Variants in DCAF8L2 observed in about 807,000 individuals in gnomAD.
DCAF8L2 encodes the protein DDB1- and CUL4-associated factor 8-like protein 2.
For missense variants in DCAF8L2, 430 were observed against 490.7 expected, an observed-to-expected ratio of 0.88 and a Z score of 1.17; for synonymous variants, 200 against 190.9, an observed-to-expected ratio of 1.05 and a Z score of -0.39.
chrX:27,628,605 CTTT>C (rs35579870), intron 1 of DCAF8L2, among the ~76,000 whole-genome samples: 4 of 90,620 alleles, frequency 4.4e-5, no homozygotes, highest in Admixed American at 1.2e-4. Context: ...TGGCTCTTGT[CTTT>C]TTTTTTTTTT....
chrX:27,621,212 T>C (rs1927740677), intron 1 of DCAF8L2, among the ~76,000 whole-genome samples: 2 of 111,487 alleles, frequency 1.8e-5, no homozygotes, highest in Non-Finnish European at 3.8e-5. Context: ...AGTAGAATGC[T>C]ATAGAGTTTC....
At chrX:27,517,402 A>G in the DCAF8L2 span, among the ~76,000 whole-genome samples, 54 of 110,549 alleles carry the variant, frequency 4.9e-4, no homozygotes, top group African/African-American at 1.8e-3. Flanking sequence ...AGGGAAATCC[A>G]TTAAAATGTT....
At chrX:27,505,198 C>T in the DCAF8L2 span, among the ~76,000 whole-genome samples, 36 of 111,035 alleles carry the variant, frequency 3.2e-4, no homozygotes, top group African/African-American at 1.1e-3. Flanking sequence ...GAATTAGGAC[C>T]CTCACTTTAC....
chrX:27,697,478 C>T (rs1022869771), intron 3 of DCAF8L2, among the ~76,000 whole-genome samples: 4 of 110,715 alleles, frequency 3.6e-5, no homozygotes, highest in Admixed American at 1.9e-4. Context: ...CTTTGTGTTC[C>T]GTTAAATTTA....
At chrX:27,572,496 G>A in the DCAF8L2 span, among the ~76,000 whole-genome samples, 1 of 112,030 alleles carries the variant, frequency 8.9e-6, no homozygotes, top group African/African-American at 3.2e-5. Flanking sequence ...CATCATCATA[G>A]GATAAATAAG....
At chrX:27,538,832 T>C in the DCAF8L2 span, among the ~76,000 whole-genome samples, 3 of 112,174 alleles carry the variant, frequency 2.7e-5, no homozygotes, top group African/African-American at 9.7e-5. Flanking sequence ...GAAGAGACTT[T>C]TGAAAATCAC....
At chrX:27,664,375 A>G (rs1044932521) in intron 2 of DCAF8L2, among the ~76,000 whole-genome samples, 7 of 111,998 alleles carry the variant, frequency 6.3e-5, no homozygotes, top group African/African-American at 2.3e-4. Flanking sequence ...ACGCTCTTCA[A>G]TTCTGTGAAG....
intron 1 of DCAF8L2, among the ~76,000 whole-genome samples, chrX:27,618,334 G>C (rs1271312834): frequency 9.0e-6 from 1 of 110,895 alleles, no homozygotes; most frequent in Non-Finnish European, 1.9e-5. Context: ...GTAACACACG[G>C]GTAAAAAGAT....
chrX:27,615,562 A>ATCTATCTAATCTATCTC (rs1569160957), intron 1 of DCAF8L2, among the ~76,000 whole-genome samples: 11 of 105,873 alleles, frequency 1.0e-4, no homozygotes, highest in African/African-American at 3.0e-4. Context: ...TAATCTATCT[A>ATCTATCTAATCTATCTC]TCTATATTTT....
At chrX:27,634,969 C>G (rs1228547419) in intron 2 of DCAF8L2, among the ~76,000 whole-genome samples, 1 of 108,434 alleles carries the variant, frequency 9.2e-6, no homozygotes, top group Non-Finnish European at 1.9e-5. Flanking sequence ...CACACACACA[C>G]ACACACACAC....
At position 27,704,154 on chromosome X, in the gene DCAF8L2, GTA is replaced by G. The variant is rs34605340; in HGVS notation, c.-142-11915_-142-11914del. Among the ~76,000 whole-genome samples the G allele has an allele frequency of 9.3e-4, 71 of 76,000 alleles. 1 individual carries two copies. The highest frequency in any genetic ancestry group is 2.8e-3 in the African/African-American group (42 of 14,993). The allele number at this position is 76,000 out of a possible 115,157, so 66.0% of individuals were successfully genotyped here. A position where few individuals can be genotyped will look rare whatever the true frequency, so the allele number is the denominator to read the frequency against. On this transcript the variant is annotated intron_variant, in intron 3 of 4. Coordinates refer to ENST00000451261, the MANE Select transcript of DCAF8L2 (RefSeq NM_001353450.2). ...CTTGGTTATTGTGAATAGTGCTGCA[GTA>G]TATATATATATATATATACATATAC...
chrX:27,564,582 C>T, the DCAF8L2 span, among the ~76,000 whole-genome samples: 1 of 110,502 alleles, frequency 9.0e-6, no homozygotes, highest in Non-Finnish European at 1.9e-5. Flanking sequence ...TATGCCACAT[C>T]AGCATATCTG....
chrX:27,540,470 C>G, the DCAF8L2 span, among the ~76,000 whole-genome samples: 20 of 111,056 alleles, frequency 1.8e-4, no homozygotes, highest in Admixed American at 4.8e-4. Flanking sequence ...AAGGCATGCA[C>G]AGAACGATAA....
intron 3 of DCAF8L2, among the ~76,000 whole-genome samples, chrX:27,705,882 C>T (rs1931326673): frequency 9.0e-6 from 1 of 111,317 alleles, no homozygotes; most frequent in African/African-American, 3.3e-5. Flanking sequence ...TCCAGAATGC[C>T]TAGGTTGCCT....
At chrX:27,609,301 T>C (rs781223881) in intron 1 of DCAF8L2, among the ~76,000 whole-genome samples, 4 of 111,481 alleles carry the variant, frequency 3.6e-5, no homozygotes, top group Non-Finnish European at 7.5e-5. Context: ...TAGTAAACAA[T>C]CCTGGGAAAA....
chrX:27,744,547 T>C (rs757461063), intron 4 of DCAF8L2, among the ~76,000 whole-genome samples: 2 of 111,459 alleles, frequency 1.8e-5, no homozygotes, highest in Admixed American at 1.9e-4. Flanking sequence ...CATTAGTTGG[T>C]GGTCACTTTA....
chrX:27,514,388 G>A, the DCAF8L2 span, among the ~76,000 whole-genome samples: 1 of 109,215 alleles, frequency 9.2e-6, no homozygotes, highest in Admixed American at 9.7e-5. Context: ...GAGTGAAATC[G>A]GCCGCGCGCG....
At chrX:27,699,119 G>GA (rs1220426505) in intron 3 of DCAF8L2, among the ~76,000 whole-genome samples, 17 of 111,480 alleles carry the variant, frequency 1.5e-4, no homozygotes, top group African/African-American at 4.9e-4. Flanking sequence ...GAAATGTTTT[G>GA]AAAAAAATGT....
chrX:27,559,113 G>A, the DCAF8L2 span, among the ~76,000 whole-genome samples: 1 of 110,561 alleles, frequency 9.0e-6, no homozygotes, highest in Admixed American at 9.7e-5. Flanking sequence ...GCCTCCCCCA[G>A]CCATGCCTCC....
Sources: allele counts gnomAD v4.1 joint callset (sites outside exome capture counted in the v4.1 genomes callset), GRCh38; gene constraint gnomAD v4.1.1; transcripts MANE v1.5; gene names NCBI Gene and HGNC (gene_info 2026-07-23, HGNC 2026-07-21).